CNTNAP2: variants seen among roughly 807,000 people sequenced by gnomAD.
CNTNAP2 encodes contactin associated protein 2.
In CNTNAP2, 98 loss-of-function variants were observed where a neutral mutation model predicts 155.2. The ratio of observed to expected loss-of-function variants is 0.63; its 90% CI spans 0.54 to 0.75. The LOEUF is 0.75. Ranked by LOEUF, CNTNAP2 falls within the 30% of genes least tolerant of loss-of-function variation. CNTNAP2 has a pLI of 0.00. For missense variants in CNTNAP2, 1,727 were observed against 1,688.1 expected (o/e 1.02, Z -0.40); for synonymous variants, 651 against 631.2 (o/e 1.03, Z -0.47).
At chr7:147,693,111 A>C (rs2116994450) in intron 13 of CNTNAP2, among the ~76,000 whole-genome samples, 1 of 152,138 alleles carries the variant, frequency 6.6e-6, no homozygotes, top group South Asian at 2.1e-4. Context: ...GTTGAAGAAA[A>C]CTATCTTTTC....
At chr7:147,091,515 G>A (rs549894909) in intron 4 of CNTNAP2, among the ~76,000 whole-genome samples, 66 of 152,122 alleles carry the variant, frequency 4.3e-4, no homozygotes, top group South Asian at 3.1e-3. Flanking sequence ...GCAGTGGCAC[G>A]ATCTCGGCTC....
chr7:146,889,430 C>G (rs369874675), intron 3 of CNTNAP2, among the ~76,000 whole-genome samples: 1 of 152,044 alleles, frequency 6.6e-6, no homozygotes, highest in African/African-American at 2.4e-5. Context: ...GTCTCCTTAA[C>G]TCTCAGATGC....
At chr7:147,942,993 G>C (rs1800752520) in intron 14 of CNTNAP2, among the ~76,000 whole-genome samples, 1 of 151,710 alleles carries the variant, frequency 6.6e-6, no homozygotes, top group Non-Finnish European at 1.5e-5. Flanking sequence ...GCTGAGATCA[G>C]GCCACTGCAC....
intron 1 of CNTNAP2, among the ~76,000 whole-genome samples, chr7:146,301,224 T>G (rs1426515558): frequency 6.6e-6 from 1 of 152,156 alleles, no homozygotes; most frequent in Non-Finnish European, 1.5e-5. Context: ...GCACCTTAAT[T>G]TGAAACATTG....
At chr7:146,419,036 G>A (rs1031971412) in intron 1 of CNTNAP2, among the ~76,000 whole-genome samples, 12 of 152,046 alleles carry the variant, frequency 7.9e-5, no homozygotes, top group African/African-American at 2.9e-4. Context: ...TGCTGATAAA[G>A]TCATACCTGA....
intron 13 of CNTNAP2, among the ~76,000 whole-genome samples, chr7:147,879,484 T>C (rs1799483292): frequency 6.6e-6 from 1 of 152,134 alleles, no homozygotes; most frequent in African/African-American, 2.4e-5. Context: ...TAATGCGTGC[T>C]CTTCCAAAGG....
chr7:146,526,317 A>G (rs1479926845), intron 1 of CNTNAP2, among the ~76,000 whole-genome samples: 1 of 152,176 alleles, frequency 6.6e-6, no homozygotes, highest in Non-Finnish European at 1.5e-5. Flanking sequence ...AGTAATTTAT[A>G]AGGAAATGTT....
At chr7:146,612,477 G>A (rs1228135076) in intron 1 of CNTNAP2, among the ~76,000 whole-genome samples, 1 of 151,858 alleles carries the variant, frequency 6.6e-6, no homozygotes, top group Non-Finnish European at 1.5e-5. Context: ...TTTAATATAA[G>A]AACAAAAAGG....
intron 1 of CNTNAP2, among the ~76,000 whole-genome samples, chr7:146,641,783 A>C (rs946560185): frequency 6.6e-6 from 1 of 152,214 alleles, no homozygotes; most frequent in African/African-American, 2.4e-5. Flanking sequence ...ACAGTTTTAC[A>C]ACTATCATAG....
intron 8 of CNTNAP2, among the ~76,000 whole-genome samples, chr7:147,200,589 C>T (rs1030433204): frequency 4.6e-5 from 7 of 152,154 alleles, no homozygotes; most frequent in African/African-American, 1.7e-4. Flanking sequence ...CTTCATTCTG[C>T]ACAGGCAGAC....
chr7:146,861,229 T>G (rs1218897029), intron 3 of CNTNAP2, among the ~76,000 whole-genome samples: 1 of 152,036 alleles, frequency 6.6e-6, no homozygotes, highest in Non-Finnish European at 1.5e-5. Flanking sequence ...ATTTTTGTAT[T>G]TTTAGTAGAG....
intron 22 of CNTNAP2, among the ~76,000 whole-genome samples, chr7:148,404,978 T>C (rs368170051): frequency 5.1e-4 from 77 of 152,070 alleles, no homozygotes; most frequent in African/African-American, 1.8e-3. Flanking sequence ...GAGCTTGGGG[T>C]TTTTATGGTT....
At chr7:147,403,974 T>C (rs1018035765) in intron 10 of CNTNAP2, among the ~76,000 whole-genome samples, 6 of 152,164 alleles carry the variant, frequency 3.9e-5, no homozygotes, top group African/African-American at 1.4e-4. Context: ...TCTCCTTCTC[T>C]TTTTTTCTTT....
chr7:147,682,596 G>A (rs1318841367), intron 13 of CNTNAP2, among the ~76,000 whole-genome samples: 1 of 151,824 alleles, frequency 6.6e-6, no homozygotes. Flanking sequence ...TAATTGTCGG[G>A]TGAGACTGAG....
chr7:146,454,464 A>T (rs13228678), intron 1 of CNTNAP2, among the ~76,000 whole-genome samples: 88,726 of 151,912 alleles, frequency 0.58, 28,925 homozygotes, highest in South Asian at 0.82. Flanking sequence ...ACCTTTTAAA[A>T]TTTTTACTGT....
At chr7:148,385,703 T>C (rs1799175525) in intron 22 of CNTNAP2, among the ~76,000 whole-genome samples, 1 of 152,048 alleles carries the variant, frequency 6.6e-6, no homozygotes, top group Non-Finnish European at 1.5e-5. Flanking sequence ...TTTGTTCCTT[T>C]ACTTTAAAAA....
intron 3 of CNTNAP2, among the ~76,000 whole-genome samples, chr7:146,841,091 C>G (rs1803712236): frequency 6.6e-6 from 1 of 152,152 alleles, no homozygotes; most frequent in Admixed American, 6.5e-5. Flanking sequence ...GTAGAATTAG[C>G]TAGAGAACTT....
intron 8 of CNTNAP2, among the ~76,000 whole-genome samples, chr7:147,276,098 A>G (rs1302304186): frequency 3.3e-5 from 5 of 151,926 alleles, no homozygotes; most frequent in South Asian, 2.1e-4. Flanking sequence ...GTGTTTTTGC[A>G]TGCAATATCC....
intron 15 of CNTNAP2, among the ~76,000 whole-genome samples, chr7:148,090,247 A>G (rs796432823): frequency 3.3e-5 from 5 of 152,224 alleles, no homozygotes; most frequent in African/African-American, 1.2e-4. Flanking sequence ...AAGCCAAAAT[A>G]GACAAATGGA....
Sources: gnomAD v4.1 joint callset for allele counts (sites outside exome capture counted in the v4.1 genomes callset) on GRCh38, gnomAD v4.1.1 for gene constraint, MANE v1.5 for transcripts, NCBI Gene and HGNC (gene_info 2026-07-23, HGNC 2026-07-21) for gene names.